SLC44A5: variants seen among roughly 807,000 people sequenced by gnomAD.
SLC44A5 encodes the protein choline transporter-like protein 5.
In SLC44A5, 57 loss-of-function variants were observed where a neutral mutation model predicts 101.8. The observed-to-expected ratio is 0.56, with a 90% CI of 0.45 to 0.70. The LOEUF is 0.70. Ranked by LOEUF, SLC44A5 falls within the 30% of genes least tolerant of loss-of-function variation. The pLI is 0.00. For missense variants in SLC44A5, 737 were observed against 853.1 expected (o/e 0.86, Z 1.70); for synonymous variants, 281 against 290.9 (o/e 0.97, Z 0.35).
At chr1:75,298,087 C>CT (rs1224941397) in intron 5 of SLC44A5, among the ~76,000 whole-genome samples, 3 of 152,168 alleles carry the variant, frequency 2.0e-5, no homozygotes, top group Non-Finnish European at 4.4e-5. Context: ...ACCAAAATAA[C>CT]TGTAACACAT....
At chr1:75,392,203 C>A (rs1661837437) in intron 3 of SLC44A5, among the ~76,000 whole-genome samples, 1 of 151,918 alleles carries the variant, frequency 6.6e-6, no homozygotes, top group Non-Finnish European at 1.5e-5. Flanking sequence ...TTCTGCACAG[C>A]AAGAGAAACT....
chr1:75,397,599 T>C (rs2101408499), intron 2 of SLC44A5, among the ~76,000 whole-genome samples: 1 of 152,300 alleles, frequency 6.6e-6, no homozygotes, highest in East Asian at 1.9e-4. Flanking sequence ...AGGTGCCATG[T>C]TTCATTTATG....
At chr1:75,386,930 G>T (rs1661398723) in intron 3 of SLC44A5, among the ~76,000 whole-genome samples, 1 of 151,866 alleles carries the variant, frequency 6.6e-6, no homozygotes, top group Non-Finnish European at 1.5e-5. Context: ...TCTGATCTTT[G>T]ACAAACCTGA....
intron 2 of SLC44A5, chr1:75,402,340 C>T (rs767807829): frequency 2.8e-5 from 7 of 251,994 alleles, no homozygotes; most frequent in East Asian, 1.2e-4. Context: ...AGCTTTTTCA[C>T]GGGGTTTTTT....
chr1:75,360,217 T>G (rs1226105562), intron 3 of SLC44A5, among the ~76,000 whole-genome samples: 1 of 152,046 alleles, frequency 6.6e-6, no homozygotes, highest in Non-Finnish European at 1.5e-5. Flanking sequence ...GCTATATTTT[T>G]GGGTTCATAT....
chr1:75,277,533 G>T (rs1196941039), intron 5 of SLC44A5, among the ~76,000 whole-genome samples: 1 of 152,124 alleles, frequency 6.6e-6, no homozygotes, highest in Admixed American at 6.6e-5. Flanking sequence ...TTCTGCAAAA[G>T]GATAAAGGAG....
chr1:75,324,736 C>T (rs748229630), intron 4 of SLC44A5, among the ~76,000 whole-genome samples: 2 of 152,222 alleles, frequency 1.3e-5, no homozygotes. Flanking sequence ...TTTTTTCTCA[C>T]AAAATTTTCT....
chr1:75,234,347 G>A (rs1460743946), intron 11 of SLC44A5, among the ~76,000 whole-genome samples: 1 of 152,054 alleles, frequency 6.6e-6, no homozygotes, highest in Non-Finnish European at 1.5e-5. Context: ...CTGAAGTCTA[G>A]TATCAGTCAT....
At chr1:75,329,189 G>T (rs924281502) in intron 4 of SLC44A5, among the ~76,000 whole-genome samples, 5 of 152,116 alleles carry the variant, frequency 3.3e-5, no homozygotes, top group African/African-American at 1.2e-4. Flanking sequence ...ACTCCTCCCT[G>T]CTGGATAGCT....
At chr1:75,521,144 G>A (rs1281882567) in intron 2 of SLC44A5, among the ~76,000 whole-genome samples, 1 of 152,032 alleles carries the variant, frequency 6.6e-6, no homozygotes, top group Admixed American at 6.6e-5. Flanking sequence ...CAAAAACAGG[G>A]GTAGCATTCA....
chr1:75,700,647 A>G, the SLC44A5 span, among the ~76,000 whole-genome samples: 29 of 152,222 alleles, frequency 1.9e-4, no homozygotes, highest in Non-Finnish European at 4.0e-4. Context: ...GGCAAGAAAT[A>G]TCTAAGATCA....
chr1:75,501,284 A>G (rs1011219474), intron 2 of SLC44A5, among the ~76,000 whole-genome samples: 2 of 152,196 alleles, frequency 1.3e-5, no homozygotes, highest in South Asian at 2.1e-4. Flanking sequence ...AAGCCTCTCC[A>G]GGAATTATTT....
chr1:75,699,115 A>C, the SLC44A5 span, among the ~76,000 whole-genome samples: 1 of 152,146 alleles, frequency 6.6e-6, no homozygotes, highest in African/African-American at 2.4e-5. Context: ...CCAATCTAGC[A>C]AGGCAGGCCA....
chr1:75,595,307 A>T (rs211681), intron 1 of SLC44A5, among the ~76,000 whole-genome samples: 145,506 of 152,164 alleles, frequency 0.96, 69,603 homozygotes, highest in East Asian at 0.97. Flanking sequence ...CACACACACA[A>T]CCCATTCCAT....
intron 6 of SLC44A5, among the ~76,000 whole-genome samples, chr1:75,263,681 G>A (rs1465392473): frequency 1.3e-5 from 2 of 152,098 alleles, no homozygotes; most frequent in African/African-American, 2.4e-5. Flanking sequence ...ACATACACAC[G>A]TATGTTTATT....
intron 2 of SLC44A5, among the ~76,000 whole-genome samples, chr1:75,444,579 TG>T (rs1199011531): frequency 1.5e-4 from 23 of 150,978 alleles, no homozygotes; most frequent in Admixed American, 3.9e-4. Flanking sequence ...ATTTTTGCTT[TG>T]TTTTTTTTTT....
At chr1:75,527,008 A>G (rs1279574197) in intron 2 of SLC44A5, among the ~76,000 whole-genome samples, 1 of 151,774 alleles carries the variant, frequency 6.6e-6, no homozygotes, top group East Asian at 1.9e-4. Context: ...GGTGGCATGC[A>G]CCTGTAATCC....
intron 2 of SLC44A5, among the ~76,000 whole-genome samples, chr1:75,398,641 A>G (rs984924735): frequency 3.9e-5 from 6 of 152,196 alleles, no homozygotes; most frequent in African/African-American, 1.2e-4. Context: ...GGTGGTCTCC[A>G]TCTCCCAGGC....
At chr1:75,642,043 TTC>T in the SLC44A5 span, 1 of 1,377,898 alleles carries the variant, frequency 7.3e-7, no homozygotes, top group Non-Finnish European at 1.0e-6. Flanking sequence ...CAGGATTTAT[TTC>T]TGTGTCTTCT....
Sources: gnomAD v4.1 joint callset for allele counts (sites outside exome capture counted in the v4.1 genomes callset) on GRCh38, gnomAD v4.1.1 for gene constraint, MANE v1.5 for transcripts, NCBI Gene and HGNC (gene_info 2026-07-23, HGNC 2026-07-21) for gene names.